Variants in EFNA5 observed in about 807,000 individuals in gnomAD.
The protein encoded by EFNA5 is ephrin A5.
A neutral mutation model predicts 22.9 loss-of-function variants in EFNA5; 5 were observed. The ratio of observed to expected loss-of-function variants is 0.22; its 90% CI spans 0.11 to 0.46. The LOEUF is 0.46. Ranked by LOEUF, EFNA5 falls within the 20% of genes least tolerant of loss-of-function variation. The probability of loss-of-function intolerance (pLI) is 0.99; values close to 1 mark genes in which losing one functional copy is unlikely to be tolerated. For synonymous variants in EFNA5, 113 were observed against 112.2 expected (o/e 1.01, Z -0.04); for missense variants, 237 against 293.3 (o/e 0.81, Z 1.40).
At chr5:107,580,579 C>T (rs889506358) in intron 1 of EFNA5, among the ~76,000 whole-genome samples, 3 of 151,738 alleles carry the variant, frequency 2.0e-5, no homozygotes, top group South Asian at 2.1e-4. Flanking sequence ...AAAAATTAGC[C>T]GGGCATGGTG....
chr5:107,602,835 GA>G (rs869253600), intron 1 of EFNA5, among the ~76,000 whole-genome samples: 9 of 24,506 alleles, frequency 3.7e-4, no homozygotes, highest in Non-Finnish European at 7.8e-4. Flanking sequence ...GGAGGAAAAA[GA>G]AAGAAAGAAA....
At chr5:107,626,589 G>A (rs73200638) in intron 1 of EFNA5, among the ~76,000 whole-genome samples, 5,711 of 152,158 alleles carry the variant, frequency 0.038, 377 homozygotes, top group African/African-American at 0.13. Flanking sequence ...TATATTTTCT[G>A]TAAATTGCTA....
At chr5:107,548,972 A>G (rs758435968) in intron 1 of EFNA5, among the ~76,000 whole-genome samples, 15 of 152,152 alleles carry the variant, frequency 9.9e-5, no homozygotes, top group Non-Finnish European at 1.9e-4. Flanking sequence ...AAACATATAC[A>G]CTTACACATA....
At position 107,377,939 on chromosome 5, in the gene EFNA5, A is replaced by G. The variant is rs1412468578; in HGVS notation, c.*3316T>C. 6.6e-6 allele frequency: 1 copy of G among 152,184 alleles called. No individual in the cohort carries two copies. Among genetic ancestry groups the G allele is most frequent in the African/African-American group, 2.4e-5 (1 of 41,446 alleles). 9.4% of individuals were successfully genotyped at this position (152,184 alleles called of 1,614,324 possible). ...AAAAGTCATGTTGTTCCAGGTCCCAAGATGATGGAGTCATAAGATTGGGTG... is the reference window on the plus strand; with the variant it reads ...AAAAGTCATGTTGTTCCAGGTCCCAGGATGATGGAGTCATAAGATTGGGTG... On this transcript the variant is annotated 3_prime_UTR_variant, in exon 5 of 5. Transcript: ENST00000333274.
At chr5:107,428,755 G>C (rs1748870922) in intron 1 of EFNA5, among the ~76,000 whole-genome samples, 1 of 152,172 alleles carries the variant, frequency 6.6e-6, no homozygotes, top group African/African-American at 2.4e-5. Flanking sequence ...CAGTGGCAGT[G>C]AGATAGTTTA....
intron 2 of EFNA5, among the ~76,000 whole-genome samples, chr5:107,423,888 A>G (rs1371996154): frequency 6.6e-6 from 1 of 152,208 alleles, no homozygotes; most frequent in Non-Finnish European, 1.5e-5. Flanking sequence ...TTTATTTTTA[A>G]AGTAAATTGG....
intron 1 of EFNA5, among the ~76,000 whole-genome samples, chr5:107,525,390 A>G (rs1436335909): frequency 6.6e-6 from 1 of 152,044 alleles, no homozygotes; most frequent in South Asian, 2.1e-4. Flanking sequence ...AAATGGTTCA[A>G]TTTTAGTTTA....
chr5:107,587,225 T>C (rs1011019965), intron 1 of EFNA5, among the ~76,000 whole-genome samples: 1 of 152,206 alleles, frequency 6.6e-6, no homozygotes, highest in Non-Finnish European at 1.5e-5. Context: ...ATGCCATTTC[T>C]CTTCCCCTTC....
chr5:107,646,822 A>G (rs1284688378), intron 1 of EFNA5, among the ~76,000 whole-genome samples: 1 of 152,176 alleles, frequency 6.6e-6, no homozygotes, highest in Admixed American at 6.5e-5. Flanking sequence ...AAATTTTTTT[A>G]AAGCTTATTT....
intron 1 of EFNA5, among the ~76,000 whole-genome samples, chr5:107,540,433 T>C (rs145130183): frequency 1.1e-3 from 163 of 152,290 alleles, no homozygotes; most frequent in Middle Eastern, 0.01. Context: ...ATGAAAATTA[T>C]GTCACCGAAC....
chr5:107,484,249 C>T (rs1580484098), intron 1 of EFNA5, among the ~76,000 whole-genome samples: 2 of 152,254 alleles, frequency 1.3e-5, no homozygotes, highest in South Asian at 4.1e-4. Flanking sequence ...TTAATGGTTT[C>T]GAGTCTTCTG....
intron 1 of EFNA5, among the ~76,000 whole-genome samples, chr5:107,653,337 C>T (rs1188419273): frequency 6.6e-6 from 1 of 152,058 alleles, no homozygotes; most frequent in Non-Finnish European, 1.5e-5. Context: ...GTGTAAGCTC[C>T]AGCTGGCTTT....
chr5:107,645,652 A>G (rs901328062), intron 1 of EFNA5, among the ~76,000 whole-genome samples: 1 of 152,182 alleles, frequency 6.6e-6, no homozygotes, highest in Admixed American at 6.5e-5. Context: ...TTCACATCTT[A>G]TGGATATTAC....
intron 1 of EFNA5, among the ~76,000 whole-genome samples, chr5:107,482,520 C>A (rs1750496594): frequency 6.6e-6 from 1 of 152,068 alleles, no homozygotes; most frequent in Non-Finnish European, 1.5e-5. Flanking sequence ...TCAGATAAGA[C>A]CCAGATCTTG....
At chr5:107,450,853 G>A (rs1749541715) in intron 1 of EFNA5, among the ~76,000 whole-genome samples, 1 of 152,222 alleles carries the variant, frequency 6.6e-6, no homozygotes, top group Non-Finnish European at 1.5e-5. Context: ...AAAAGTCACA[G>A]TGCTTTATCA....
chr5:107,580,730 A>G (rs1749049754), intron 1 of EFNA5, among the ~76,000 whole-genome samples: 1 of 148,736 alleles, frequency 6.7e-6, no homozygotes, highest in South Asian at 2.1e-4. Flanking sequence ...TCAAAAAAAA[A>G]AAAAAAAAAA....
intron 1 of EFNA5, among the ~76,000 whole-genome samples, chr5:107,570,044 C>T (rs1748761694): frequency 6.6e-6 from 1 of 152,060 alleles, no homozygotes; most frequent in Non-Finnish European, 1.5e-5. Context: ...CATAGCATGA[C>T]CAAGACCTAC....
intron 1 of EFNA5, among the ~76,000 whole-genome samples, chr5:107,617,754 C>T (rs539928208): frequency 1.3e-5 from 2 of 152,056 alleles, no homozygotes; most frequent in Admixed American, 6.5e-5. Context: ...TGCTCTGTTG[C>T]GGCTAGAGTG....
intron 1 of EFNA5, among the ~76,000 whole-genome samples, chr5:107,647,153 T>C (rs1214694341): frequency 1.3e-5 from 2 of 152,170 alleles, no homozygotes; most frequent in African/African-American, 2.4e-5. Context: ...AGTATATGTA[T>C]GTATTTAAGT....
Sources: allele counts gnomAD v4.1 joint callset (sites outside exome capture counted in the v4.1 genomes callset), GRCh38; gene constraint gnomAD v4.1.1; transcripts MANE v1.5; gene names NCBI Gene and HGNC (gene_info 2026-07-23, HGNC 2026-07-21).